The following CACNA2D1 variants were observed in gnomAD, a reference collection of about 807,000 sequenced individuals.
CACNA2D1 encodes voltage-dependent calcium channel subunit alpha-2/delta-1.
A neutral mutation model predicts 171.5 loss-of-function variants in CACNA2D1; 53 were observed. The observed-to-expected ratio is 0.31, with a 90% CI of 0.25 to 0.39. CACNA2D1 has a LOEUF of 0.39. Ranked by LOEUF, CACNA2D1 falls within the 10% of genes least tolerant of loss-of-function variation. CACNA2D1 has a pLI of 1.00. For synonymous variants in CACNA2D1, 442 were observed against 443.1 expected, an observed-to-expected ratio of 1.00 and a Z score of 0.03; for missense variants, 903 against 1,299.8, an observed-to-expected ratio of 0.69 and a Z score of 4.69.
intron 2 of CACNA2D1, among the ~76,000 whole-genome samples, chr7:82,344,128 T>C (rs1270312157): frequency 6.6e-6 from 1 of 152,234 alleles, no homozygotes; most frequent in Admixed American, 6.5e-5. Context: ...TCTCATGCAT[T>C]GTAGGATGTT....
intron 4 of CACNA2D1, among the ~76,000 whole-genome samples, chr7:82,151,810 G>GA (rs752670761): frequency 3.9e-5 from 6 of 151,984 alleles, no homozygotes; most frequent in Non-Finnish European, 7.4e-5. Context: ...AACTCAGTAT[G>GA]AAAAATATTT....
At chr7:82,150,112 A>C (rs1028128695) in intron 4 of CACNA2D1, among the ~76,000 whole-genome samples, 2 of 151,986 alleles carry the variant, frequency 1.3e-5, no homozygotes, top group Non-Finnish European at 2.9e-5. Flanking sequence ...AAACGGCTTT[A>C]AGCATTGACT....
intron 22 of CACNA2D1, among the ~76,000 whole-genome samples, 177 bp downstream of exon 22, chr7:81,984,458 T>C (rs921274387): frequency 6.6e-6 from 1 of 152,214 alleles, no homozygotes; most frequent in Non-Finnish European, 1.5e-5. Context: ...TCTATCCATG[T>C]AGAATATTTC....
intron 24 of CACNA2D1, among the ~76,000 whole-genome samples, chr7:81,976,846 CTG>C (rs1245307891): frequency 6.6e-6 from 1 of 151,982 alleles, no homozygotes; most frequent in Non-Finnish European, 1.5e-5. Flanking sequence ...AAAAGCGAGA[CTG>C]TATCTCAAAA....
intron 6 of CACNA2D1, among the ~76,000 whole-genome samples, chr7:82,097,258 T>C (rs1812002290): frequency 6.6e-6 from 1 of 152,108 alleles, no homozygotes; most frequent in Non-Finnish European, 1.5e-5. Flanking sequence ...TATAATAATC[T>C]AGGAATACTA....
intron 7 of CACNA2D1, among the ~76,000 whole-genome samples, chr7:82,083,937 G>A (rs934243876): frequency 2.0e-5 from 3 of 152,080 alleles, no homozygotes; most frequent in African/African-American, 7.2e-5. Flanking sequence ...GAATTATGCT[G>A]TTTAAGGTCA....
chr7:82,091,248 C>T (rs942943066), intron 6 of CACNA2D1, among the ~76,000 whole-genome samples: 5 of 152,150 alleles, frequency 3.3e-5, no homozygotes, highest in East Asian at 1.9e-4. Context: ...CTAATCATGT[C>T]TCGGGCACCA....
intron 22 of CACNA2D1, among the ~76,000 whole-genome samples, chr7:81,984,398 C>T (rs917121699): frequency 1.3e-5 from 2 of 152,100 alleles, no homozygotes; most frequent in African/African-American, 4.8e-5. Flanking sequence ...CATAGCAAGG[C>T]AGGGAAGGGT....
chr7:82,358,662 CTTCA>C (rs1219507686), intron 1 of CACNA2D1, among the ~76,000 whole-genome samples: 16 of 151,076 alleles, frequency 1.1e-4, no homozygotes, highest in African/African-American at 3.4e-4. Context: ...GTTTCTCTGC[CTTCA>C]TTTTCTGTTT....
chr7:82,150,284 A>AAAAAAC (rs1793703465), intron 4 of CACNA2D1, among the ~76,000 whole-genome samples: 1 of 137,398 alleles, frequency 7.3e-6, no homozygotes, highest in Non-Finnish European at 1.6e-5. Context: ...AACAACAACA[A>AAAAAAC]AAAAAAACAC....
At chr7:81,951,981 T>TTTTTTTGTTTTTTTTTTG (rs1554321749) in intron 38 of CACNA2D1, among the ~76,000 whole-genome samples, 10 of 149,414 alleles carry the variant, frequency 6.7e-5, no homozygotes, top group South Asian at 4.2e-4. Context: ...TTTTTTTTTT[T>TTTTTTTGTTTTTTTTTTG]TTTTTTTTTT....
At chr7:82,036,530 T>C (rs1803306264) in intron 11 of CACNA2D1, among the ~76,000 whole-genome samples, 1 of 152,172 alleles carries the variant, frequency 6.6e-6, no homozygotes, top group East Asian at 1.9e-4. Flanking sequence ...TTTCCTGACC[T>C]CCTTTGAGGA....
intron 26 of CACNA2D1, 183 bp from the exon 27 acceptor site, chr7:81,970,920 A>C: frequency 1.7e-6 from 1 of 577,758 alleles, no homozygotes. Context: ...TTTAAGGAAG[A>C]CATCTCATAG....
chr7:82,327,232 A>G (rs991428834), intron 3 of CACNA2D1, among the ~76,000 whole-genome samples: 1 of 152,234 alleles, frequency 6.6e-6, no homozygotes. Context: ...AATTTTGTTC[A>G]GAGAAGCAGT....
intron 3 of CACNA2D1, among the ~76,000 whole-genome samples, chr7:82,254,349 T>C (rs953832613): frequency 6.6e-6 from 1 of 152,296 alleles, no homozygotes; most frequent in Non-Finnish European, 1.5e-5. Context: ...ATTGGTTCAC[T>C]TTGCTTTAAA....
At chr7:82,070,961 A>C (rs1026888934) in intron 7 of CACNA2D1, among the ~76,000 whole-genome samples, 8 of 152,194 alleles carry the variant, frequency 5.3e-5, no homozygotes, top group Non-Finnish European at 1.2e-4. Flanking sequence ...CAAATAAATA[A>C]AACATACCAG....
chr7:82,118,395 C>T (rs1304952747), intron 5 of CACNA2D1, among the ~76,000 whole-genome samples: 3 of 151,938 alleles, frequency 2.0e-5, no homozygotes, highest in Non-Finnish European at 4.4e-5. Flanking sequence ...TTAAAAATTA[C>T]GAGTTAAGTA....
chr7:81,978,750 A>AGT (rs541384324), intron 24 of CACNA2D1, among the ~76,000 whole-genome samples: 14,604 of 76,882 alleles, frequency 0.19, 821 homozygotes, highest in Middle Eastern at 0.32. Flanking sequence ...TTTTTTAAAA[A>AGT]GTGTATATAT....
chr7:82,314,135 T>C (rs1814806421), intron 3 of CACNA2D1, among the ~76,000 whole-genome samples: 2 of 152,204 alleles, frequency 1.3e-5, no homozygotes, highest in Non-Finnish European at 1.5e-5. Flanking sequence ...CTTTTATATC[T>C]GAATCCCAAA....
Sources: gnomAD v4.1 joint callset for allele counts (sites outside exome capture counted in the v4.1 genomes callset) on GRCh38, gnomAD v4.1.1 for gene constraint, MANE v1.5 for transcripts, NCBI Gene and HGNC (gene_info 2026-07-23, HGNC 2026-07-21) for gene names.